The following PTPRD variants were observed in gnomAD, a reference collection of about 807,000 sequenced individuals.
The protein encoded by PTPRD is receptor-type tyrosine-protein phosphatase delta.
A neutral mutation model predicts 214.5 loss-of-function variants in PTPRD; 34 were observed. The observed-to-expected ratio is 0.16, with a 90% CI of 0.12 to 0.21. PTPRD has a LOEUF of 0.21. Ranked by LOEUF, PTPRD falls within the 10% of genes least tolerant of loss-of-function variation. The pLI is 1.00. For missense variants in PTPRD, 2,545 were observed against 2,398.7 expected (o/e 1.06, Z -1.27); for synonymous variants, 1,128 against 845.7 (o/e 1.33, Z -5.79).
intron 2 of PTPRD, among the ~76,000 whole-genome samples, chr9:10,503,916 A>ACG (rs2044807140): frequency 6.6e-6 from 1 of 151,566 alleles, no homozygotes; most frequent in African/African-American, 2.4e-5. Flanking sequence ...GGAGATCAAG[A>ACG]CCATCCTGGC....
intron 11 of PTPRD, among the ~76,000 whole-genome samples, chr9:8,852,574 G>A (rs1319777388): frequency 6.6e-6 from 1 of 152,204 alleles, no homozygotes; most frequent in Non-Finnish European, 1.5e-5. Flanking sequence ...CGCAGGTGAA[G>A]AGGGAAGAAC....
At chr9:10,168,370 C>T (rs889282036) in intron 3 of PTPRD, among the ~76,000 whole-genome samples, 4 of 144,998 alleles carry the variant, frequency 2.8e-5, no homozygotes, top group Admixed American at 1.4e-4. Context: ...GGTAGTGCTG[C>T]TTAAAATGTC....
chr9:9,710,595 A>T (rs1381018838), intron 7 of PTPRD, among the ~76,000 whole-genome samples: 1 of 151,072 alleles, frequency 6.6e-6, no homozygotes, highest in South Asian at 2.1e-4. Context: ...ATTTAATATC[A>T]TCTATTCTGT....
chr9:9,922,708 T>C (rs2082914275), intron 5 of PTPRD, among the ~76,000 whole-genome samples: 1 of 151,986 alleles, frequency 6.6e-6, no homozygotes. Flanking sequence ...AAATAAAATT[T>C]AAAAAACCAG....
intron 8 of PTPRD, among the ~76,000 whole-genome samples, chr9:9,515,026 G>A (rs969674893): frequency 6.6e-6 from 1 of 152,008 alleles, no homozygotes; most frequent in Non-Finnish European, 1.5e-5. Context: ...CTTGACTTCT[G>A]CTTTAATACT....
At chr9:9,668,461 C>T (rs545417573) in intron 7 of PTPRD, among the ~76,000 whole-genome samples, 32 of 152,236 alleles carry the variant, frequency 2.1e-4, no homozygotes, top group African/African-American at 7.5e-4. Context: ...TCCTTAAATG[C>T]CTTAATTACT....
At chr9:9,341,221 A>G (rs1236756560) in intron 9 of PTPRD, among the ~76,000 whole-genome samples, 1 of 152,052 alleles carries the variant, frequency 6.6e-6, no homozygotes, top group Non-Finnish European at 1.5e-5. Flanking sequence ...TGGCCCCACC[A>G]GCCTTTCTTC....
At chr9:10,031,715 G>A (rs1051431709) in intron 4 of PTPRD, among the ~76,000 whole-genome samples, 11 of 145,550 alleles carry the variant, frequency 7.6e-5, no homozygotes, top group Non-Finnish European at 1.2e-4. Flanking sequence ...CTACAAATAC[G>A]TCTTTAAGGA....
intron 3 of PTPRD, among the ~76,000 whole-genome samples, chr9:10,180,758 AC>A (rs1199669215): frequency 1.3e-5 from 2 of 151,948 alleles, no homozygotes; most frequent in Non-Finnish European, 2.9e-5. Flanking sequence ...AGGTGACTCA[AC>A]CTTTGATTAT....
chr9:9,154,202 A>G (rs2099879265), intron 10 of PTPRD, among the ~76,000 whole-genome samples: 2 of 152,202 alleles, frequency 1.3e-5, no homozygotes, highest in Admixed American at 6.6e-5. Flanking sequence ...ACAATGAATT[A>G]CAGACTTGTG....
At chr9:10,542,906 TG>T (rs1378113547) in intron 2 of PTPRD, among the ~76,000 whole-genome samples, 20 of 152,124 alleles carry the variant, frequency 1.3e-4, no homozygotes, top group Non-Finnish European at 2.1e-4. Flanking sequence ...TTATTTTATT[TG>T]TTTATTTATT....
In PTPRD at chr9:9,525,078, C is replaced by T. The variant is rs186019529; in HGVS notation, c.-237+49654G>A. Reference sequence around the variant, plus strand: ...TTCACCATGTTAGCCAGGATGGTCTCGATCTCTTGACCTCATGATCCACCC... The same window carrying T: ...TTCACCATGTTAGCCAGGATGGTCTTGATCTCTTGACCTCATGATCCACCC... On this transcript the variant is annotated intron_variant, in intron 8 of 45. Coordinates refer to ENST00000381196, the MANE Select transcript of PTPRD (RefSeq NM_002839.4). Among the ~76,000 whole-genome samples, 530 of 152,244 alleles carry T rather than the reference C, an allele frequency of 3.5e-3. 4 individuals carry two copies. Among genetic ancestry groups the T allele is most frequent in the Non-Finnish European group, 4.3e-3 (293 of 68,022 alleles).
chr9:9,281,701 G>A (rs1240663232), intron 9 of PTPRD, among the ~76,000 whole-genome samples: 1 of 151,120 alleles, frequency 6.6e-6, no homozygotes, highest in Non-Finnish European at 1.5e-5. Flanking sequence ...GTTTCTTACA[G>A]AACTAAACAT....
intron 3 of PTPRD, among the ~76,000 whole-genome samples, chr9:10,282,558 T>C (rs893097403): frequency 6.6e-6 from 1 of 152,148 alleles, no homozygotes; most frequent in Non-Finnish European, 1.5e-5. Flanking sequence ...ATTAAGATTA[T>C]GTAGCAGATA....
intron 14 of PTPRD, among the ~76,000 whole-genome samples, chr9:8,557,779 T>TACACACAC (rs373363751): frequency 1.1e-4 from 11 of 103,900 alleles, no homozygotes; most frequent in African/African-American, 1.4e-4. Flanking sequence ...AAAAACAAAA[T>TACACACAC]ACACACACAC....
intron 11 of PTPRD, among the ~76,000 whole-genome samples, chr9:8,915,755 G>C (rs917613605): frequency 2.0e-5 from 3 of 152,272 alleles, no homozygotes; most frequent in South Asian, 2.1e-4. Context: ...TCTTAGTTGA[G>C]AAAGGGTCTA....
chr9:9,888,265 C>A (rs1334269403), intron 5 of PTPRD, among the ~76,000 whole-genome samples: 1 of 152,126 alleles, frequency 6.6e-6, no homozygotes, highest in Non-Finnish European at 1.5e-5. Flanking sequence ...AAAGGTGTTC[C>A]TGTCAGATGA....
At chr9:9,216,117 C>T (rs1452325510) in intron 9 of PTPRD, among the ~76,000 whole-genome samples, 1 of 152,132 alleles carries the variant, frequency 6.6e-6, no homozygotes, top group African/African-American at 2.4e-5. Context: ...TACCAACCTT[C>T]TAAGTCTCAG....
At chr9:9,305,939 G>A (rs1018552145) in intron 9 of PTPRD, among the ~76,000 whole-genome samples, 1 of 151,936 alleles carries the variant, frequency 6.6e-6, no homozygotes, top group African/African-American at 2.4e-5. Context: ...CCTTGATTTT[G>A]ATCTTTTAGC....
Sources: gnomAD v4.1 joint callset for allele counts (sites outside exome capture counted in the v4.1 genomes callset) on GRCh38, gnomAD v4.1.1 for gene constraint, MANE v1.5 for transcripts, NCBI Gene and HGNC (gene_info 2026-07-23, HGNC 2026-07-21) for gene names.